The following HSPA12A variants were observed in gnomAD, a reference collection of about 807,000 sequenced individuals.
HSPA12A encodes heat shock protein family A (Hsp70) member 12A.
Under a neutral mutation model 69.2 loss-of-function variants are expected in HSPA12A, and 28 were observed. The observed-to-expected ratio is 0.40, with a 90% CI of 0.30 to 0.55. HSPA12A has a LOEUF of 0.55. HSPA12A is among the 20% of genes least tolerant of loss of function. The probability of loss-of-function intolerance (pLI) is 0.38; values close to 1 mark genes in which losing one functional copy is unlikely to be tolerated. For missense variants in HSPA12A, 686 were observed against 900.7 expected, an observed-to-expected ratio of 0.76 and a Z score of 3.05; for synonymous variants, 345 against 370.5, an observed-to-expected ratio of 0.93 and a Z score of 0.79.
chr10:116,680,044 G>A (rs531894827), intron 9 of HSPA12A, among the ~76,000 whole-genome samples: 1 of 152,292 alleles, frequency 6.6e-6, no homozygotes, highest in Non-Finnish European at 1.5e-5. Context: ...AGGCTGGAGT[G>A]CAGTGGCACA....
chr10:116,778,322 C>T (rs1844386734), intron 2 of HSPA12A, among the ~76,000 whole-genome samples: 1 of 152,212 alleles, frequency 6.6e-6, no homozygotes, highest in Non-Finnish European at 1.5e-5. Context: ...GATGACTGGG[C>T]ACTGACTATT....
chr10:116,807,614 G>A (rs1003771885), intron 2 of HSPA12A, among the ~76,000 whole-genome samples: 1 of 152,190 alleles, frequency 6.6e-6, no homozygotes. Flanking sequence ...CTAGGTCAGC[G>A]GGTCGTCCCC....
chr10:116,755,241 C>A (rs189829202), intron 2 of HSPA12A, among the ~76,000 whole-genome samples: 1 of 152,330 alleles, frequency 6.6e-6, no homozygotes, highest in African/African-American at 2.4e-5. Context: ...GTGTGAGCCA[C>A]TGCTCTTGGC....
chr10:116,755,216 G>T (rs1293375317), intron 2 of HSPA12A, among the ~76,000 whole-genome samples: 3 of 152,138 alleles, frequency 2.0e-5, no homozygotes, highest in Non-Finnish European at 4.4e-5. Flanking sequence ...GCCTCTCAAA[G>T]TGCTGGGATT....
chr10:116,823,071 A>G (rs1845434435), intron 2 of HSPA12A, among the ~76,000 whole-genome samples: 1 of 152,236 alleles, frequency 6.6e-6, no homozygotes, highest in Non-Finnish European at 1.5e-5. Context: ...AGGTTAGAGT[A>G]CAGAATCATA....
At chr10:116,809,268 C>T (rs905173056) in intron 2 of HSPA12A, among the ~76,000 whole-genome samples, 1 of 152,166 alleles carries the variant, frequency 6.6e-6, no homozygotes, top group African/African-American at 2.4e-5. Flanking sequence ...ACCACTGAGG[C>T]TACTCATGAC....
intron 2 of HSPA12A, among the ~76,000 whole-genome samples, chr10:116,749,123 C>T (rs1278626760): frequency 3.3e-5 from 5 of 152,156 alleles, no homozygotes; most frequent in South Asian, 2.1e-4. Context: ...CATTTCTCCA[C>T]GGCACTTTTA....
At chr10:116,782,602 A>G (rs1398982024) in intron 2 of HSPA12A, among the ~76,000 whole-genome samples, 1 of 152,222 alleles carries the variant, frequency 6.6e-6, no homozygotes, top group Non-Finnish European at 1.5e-5. Flanking sequence ...GCAAGTCACA[A>G]AAAAATGCCT....
At chr10:116,741,583 G>A (rs1851508731) in intron 1 of HSPA12A, among the ~76,000 whole-genome samples, 1 of 152,192 alleles carries the variant, frequency 6.6e-6, no homozygotes. Flanking sequence ...ATCCTGGCCA[G>A]CCGGGCCCTC....
intron 6 of HSPA12A, among the ~76,000 whole-genome samples, chr10:116,688,822 G>A (rs893950583): frequency 1.3e-5 from 2 of 152,172 alleles, no homozygotes; most frequent in African/African-American, 2.4e-5. Context: ...TAGGCAAAAT[G>A]CCCTTTGATA....
At chr10:116,744,135 T>A (rs375806604), upstream of HSPA12A, among the ~76,000 whole-genome samples, 11 of 152,242 alleles carry the variant, frequency 7.2e-5, no homozygotes, top group East Asian at 1.7e-3. Context: ...CCCACCCTAC[T>A]CCAGCTCCAG....
intron 2 of HSPA12A, among the ~76,000 whole-genome samples, chr10:116,817,946 G>C (rs562659981): frequency 6.6e-6 from 1 of 152,292 alleles, no homozygotes; most frequent in East Asian, 1.9e-4. Flanking sequence ...ATTAGGCGCC[G>C]ATTCCTGTTA....
chr10:116,682,935 C>T (rs1340428083), intron 7 of HSPA12A, among the ~76,000 whole-genome samples: 1 of 147,706 alleles, frequency 6.8e-6, no homozygotes, highest in Non-Finnish European at 1.5e-5. Flanking sequence ...GATTTCCTGA[C>T]CTCGTGATCC....
chr10:116,781,387 C>T (rs1589702343), intron 2 of HSPA12A, among the ~76,000 whole-genome samples: 2 of 152,098 alleles, frequency 1.3e-5, no homozygotes, highest in East Asian at 1.9e-4. Context: ...TGATGAATGC[C>T]GCTCGGTCAG....
At chr10:116,745,233 A>G (rs1325077437), upstream of HSPA12A, among the ~76,000 whole-genome samples, 2 of 152,240 alleles carry the variant, frequency 1.3e-5, no homozygotes, top group Non-Finnish European at 2.9e-5. Flanking sequence ...GCAGGCACTT[A>G]ATAAATCCTT....
At chr10:116,849,578 A>G (rs1427580461) in exon 1 of HSPA12A, 4 of 1,543,684 alleles carry the variant, frequency 2.6e-6, no homozygotes, top group Non-Finnish European at 3.5e-6. Flanking sequence ...TGGAGGAAGA[A>G]GGCGGCGGCC....
chr10:116,839,341 A>T (rs899986116), intron 1 of HSPA12A, among the ~76,000 whole-genome samples: 5 of 152,096 alleles, frequency 3.3e-5, no homozygotes, highest in African/African-American at 1.2e-4. Flanking sequence ...CCCCACGAAG[A>T]CCCCGGCTCT....
intron 2 of HSPA12A, among the ~76,000 whole-genome samples, chr10:116,784,326 G>A (rs782272909): frequency 6.6e-6 from 1 of 152,248 alleles, no homozygotes; most frequent in Non-Finnish European, 1.5e-5. Flanking sequence ...CCCTGCAAGT[G>A]GCAGCGCAGG....
At chr10:116,823,743 A>G (rs751137190) in intron 2 of HSPA12A, among the ~76,000 whole-genome samples, 4 of 152,220 alleles carry the variant, frequency 2.6e-5, no homozygotes, top group Admixed American at 6.5e-5. Context: ...ACAAAAATGA[A>G]TTCTAAATGC....
Sources: gnomAD v4.1 joint callset for allele counts (sites outside exome capture counted in the v4.1 genomes callset) on GRCh38, gnomAD v4.1.1 for gene constraint, MANE v1.5 for transcripts, NCBI Gene and HGNC (gene_info 2026-07-23, HGNC 2026-07-21) for gene names.